CHM: variants seen among roughly 807,000 people sequenced by gnomAD.
CHM encodes the protein rab proteins geranylgeranyltransferase component A 1.
Under a neutral mutation model 49.0 loss-of-function variants are expected in CHM, and 10 were observed. That is an observed-to-expected ratio of 0.20 (90% CI 0.13 to 0.35). The LOEUF is 0.35. CHM is among the 10% of genes least tolerant of loss of function. CHM has a pLI of 1.00. For missense variants in CHM, 455 were observed against 478.4 expected (o/e 0.95, Z 0.46); for synonymous variants, 184 against 167.5 (o/e 1.10, Z -0.76).
intron 2 of CHM, among the ~76,000 whole-genome samples, chrX:86,024,643 G>A (rs1225410183): frequency 3.6e-5 from 4 of 111,902 alleles, no homozygotes; most frequent in Non-Finnish European, 7.5e-5. Context: ...AATGACAGTG[G>A]CATAAAGAAA....
At chrX:85,925,961 T>G (rs1431175898) in intron 8 of CHM, among the ~76,000 whole-genome samples, 1 of 111,194 alleles carries the variant, frequency 9.0e-6, no homozygotes, top group Non-Finnish European at 1.9e-5. Flanking sequence ...CATGTCATTT[T>G]CCTGCTTTTT....
intron 8 of CHM, among the ~76,000 whole-genome samples, chrX:85,927,603 C>G (rs1040380307): frequency 1.8e-5 from 2 of 112,190 alleles, no homozygotes; most frequent in African/African-American, 6.5e-5. Flanking sequence ...TTGCGTATAT[C>G]TGGAGTATAA....
intron 2 of CHM, chrX:86,019,471 A>G (rs1158157137): frequency 8.9e-6 from 1 of 112,429 alleles, no homozygotes; most frequent in Non-Finnish European, 1.9e-5. Flanking sequence ...ATTAAAGATA[A>G]CACTGAAGGA....
chrX:85,984,800 A>G (rs1931818975), intron 2 of CHM, among the ~76,000 whole-genome samples: 1 of 112,330 alleles, frequency 8.9e-6, no homozygotes, highest in African/African-American at 3.2e-5. Flanking sequence ...ATACAACATA[A>G]ATGCATCTCA....
At chrX:85,925,070 G>A (rs1003372420) in intron 8 of CHM, among the ~76,000 whole-genome samples, 1 of 111,619 alleles carries the variant, frequency 9.0e-6, no homozygotes, top group African/African-American at 3.3e-5. Context: ...AAACAGATCT[G>A]TATTAGTAAT....
At chrX:85,866,486 T>C (rs773144523) in intron 14 of CHM, among the ~76,000 whole-genome samples, 4 of 112,765 alleles carry the variant, frequency 3.5e-5, no homozygotes, top group African/African-American at 1.3e-4. Context: ...AGGGCAGTGC[T>C]GAAGGGAAAT....
chrX:86,008,936 T>C (rs190821109), intron 2 of CHM, among the ~76,000 whole-genome samples: 48 of 112,554 alleles, frequency 4.3e-4, no homozygotes, highest in Non-Finnish European at 7.9e-4. Context: ...AAAGAAAATA[T>C]CAAGTAGCAT....
chrX:85,870,876 C>T lies in CHM; in HGVS notation c.1770+2176G>A, dbSNP rs187249765. ...TTAAAGACAGATCACTTTATGTTTTCGGTGCATCTTCAAATCATAAATGGT... is the reference window on the plus strand; with the variant it reads ...TTAAAGACAGATCACTTTATGTTTTTGGTGCATCTTCAAATCATAAATGGT... On this transcript the variant is annotated intron_variant, in intron 14 of 14. Transcript: ENST00000357749. Among the ~76,000 whole-genome samples the T allele has an allele frequency of 2.6e-4, 29 of 111,108 alleles. No individual in the cohort carries two copies. The East Asian group carries it at 6.9e-3, about 26-fold the overall frequency.
intron 4 of CHM, chrX:85,971,069 T>C (rs555917995): frequency 1.6e-6 from 1 of 618,111 alleles, no homozygotes; most frequent in Non-Finnish European, 1.9e-6. Context: ...CTATCCTATA[T>C]ATTTATATTA....
rs188784048 is a variant in CHM at position 86,000,811 on chromosome X, T to C, written c.117-19002A>G. ...GCTAAAACAGTGGATGTCATGGTGG[T>C]AGAGAGTAGAATGATAGTTAACAGA... On this transcript the variant is annotated intron_variant, in intron 2 of 14. Coordinates refer to ENST00000357749, the MANE Select transcript of CHM (RefSeq NM_000390.4). 7.0e-3 allele frequency among the ~76,000 whole-genome samples: 770 copies of C among 110,790 alleles called. 7 individuals are homozygous for C. Among genetic ancestry groups the C allele is most frequent in the African/African-American group, 0.025 (749 of 30,462 alleles).
At chrX:85,963,579 G>A in intron 5 of CHM, 86 bp downstream of exon 5, 1 of 743,383 alleles carries the variant, frequency 1.3e-6, no homozygotes, top group Non-Finnish European at 2.0e-6. Flanking sequence ...CAAAACAAAT[G>A]TTCTGCATCT....
intron 1 of CHM, among the ~76,000 whole-genome samples, chrX:86,039,568 G>T (rs1173251087): frequency 9.6e-6 from 1 of 104,270 alleles, no homozygotes; most frequent in Admixed American, 1.0e-4. Flanking sequence ...GTAGAAGTTA[G>T]TGAGTGACAG....
At chrX:85,898,334 C>A (rs1463327123) in intron 11 of CHM, among the ~76,000 whole-genome samples, 1 of 111,429 alleles carries the variant, frequency 9.0e-6, no homozygotes, top group Non-Finnish European at 1.9e-5. Flanking sequence ...CTGGTTTCAA[C>A]GTGTCTCCCA....
At chrX:85,900,566 G>T (rs1171744305) in intron 11 of CHM, 80 bp downstream of exon 11, 8 of 608,537 alleles carry the variant, frequency 1.3e-5, no homozygotes, top group South Asian at 2.5e-5. Context: ...TGAGTGTAGT[G>T]ATTAGTTCAC....
intron 2 of CHM, among the ~76,000 whole-genome samples, chrX:86,019,153 C>T (rs969671087): frequency 9.0e-6 from 1 of 111,334 alleles, no homozygotes; most frequent in Non-Finnish European, 1.9e-5. Context: ...TTTGCATGTT[C>T]TGTCATGAGT....
Position 85,897,224 on chromosome X carries a change from A to ATACT in CHM, c.1414-2941_1414-2940insAGTA, listed in dbSNP as rs746895879. ...AGTATATATATACCAGCATATATGA[A>ATACT]AGTATATACTAGCATATATGAAATA... On this transcript the variant is annotated intron_variant, in intron 11 of 14. Transcript: ENST00000357749. 3.5e-3 allele frequency among the ~76,000 whole-genome samples: 345 copies of ATACT among 99,989 alleles called. 2 individuals are homozygous for ATACT. The East Asian group carries it at 0.051, about 15-fold the overall frequency. The allele number at this position is 99,989 out of a possible 115,157, so 86.8% of individuals were successfully genotyped here.
intron 2 of CHM, among the ~76,000 whole-genome samples, chrX:86,000,627 G>C (rs996268317): frequency 1.9e-4 from 21 of 109,436 alleles, no homozygotes; most frequent in Non-Finnish European, 3.8e-4. Context: ...AATGGATAAA[G>C]AAATATTGTA....
In CHM at chrX:85,863,410, C is replaced by T. The variant is rs974261010; in HGVS notation, c.*1220G>A. ...TTTATGTAGTGTATATTAGGGCTTA[C>T]CAACTGTCATACACAATTTGGAGTC... On this transcript the variant is annotated 3_prime_UTR_variant, in exon 15 of 15. Coordinates refer to ENST00000357749, the MANE Select transcript of CHM (RefSeq NM_000390.4). 7 of 111,545 alleles carry T rather than the reference C, an allele frequency of 6.3e-5. No homozygotes were observed. The highest frequency in any genetic ancestry group is 3.8e-4 in the Admixed American group (4 of 10,483). 9.2% of individuals were successfully genotyped at this position (111,545 alleles called of 1,213,427 possible).
chrX:86,012,679 C>A (rs1933128678), intron 2 of CHM, among the ~76,000 whole-genome samples: 1 of 111,601 alleles, frequency 9.0e-6, no homozygotes, highest in Non-Finnish European at 1.9e-5. Flanking sequence ...CAAACCTATA[C>A]TGTTGTTGGC....
Sources: allele counts gnomAD v4.1 joint callset (sites outside exome capture counted in the v4.1 genomes callset), GRCh38; gene constraint gnomAD v4.1.1; transcripts MANE v1.5; gene names NCBI Gene and HGNC (gene_info 2026-07-23, HGNC 2026-07-21).